Variants in VPS13B observed in about 807,000 individuals in gnomAD.
The protein encoded by VPS13B is vacuolar protein sorting 13 homolog B, also known as intermembrane lipid transfer protein VPS13B.
A neutral mutation model predicts 426.4 loss-of-function variants in VPS13B; 285 were observed. The ratio of observed to expected loss-of-function variants is 0.67; its 90% CI spans 0.61 to 0.74. The LOEUF is 0.74. Ranked by LOEUF, VPS13B falls within the 30% of genes least tolerant of loss-of-function variation. VPS13B has a pLI of 0.00. For missense variants in VPS13B, 4,537 were observed against 4,782.6 expected, an observed-to-expected ratio of 0.95 and a Z score of 1.51; for synonymous variants, 1,676 against 1,676.4, an observed-to-expected ratio of 1.00 and a Z score of 0.01.
Position 99,819,589 on chromosome 8 carries a change from T to C in VPS13B, c.8792+7T>C, listed in dbSNP as rs762084279. 3.7e-6 allele frequency: 6 copies of C among 1,613,000 alleles called. No homozygotes were observed. In the South Asian group the frequency reaches 6.6e-5, roughly 18 times the overall value. Reference sequence around the variant, plus strand: ...ATAAGAAGGATTCTGACAGGTAATATTCTTCAGTGATCTTTTTCTACAAAA... The same window carrying C: ...ATAAGAAGGATTCTGACAGGTAATACTCTTCAGTGATCTTTTTCTACAAAA... On this transcript the variant is annotated splice_region_variant and intron_variant, in intron 48 of 61. Coordinates refer to ENST00000357162, the MANE Select transcript of VPS13B (RefSeq NM_152564.5).
At chr8:99,799,510 A>T (rs1289615405) in intron 43 of VPS13B, among the ~76,000 whole-genome samples, 1 of 152,346 alleles carries the variant, frequency 6.6e-6, no homozygotes, top group Admixed American at 6.5e-5. Context: ...TACTTTATTT[A>T]ACCTTTACAA....
intron 39 of VPS13B, among the ~76,000 whole-genome samples, chr8:99,762,192 A>AT (rs1336615560): frequency 6.6e-6 from 1 of 151,662 alleles, no homozygotes; most frequent in Non-Finnish European, 1.5e-5. Flanking sequence ...TGCCCAGCTA[A>AT]TTTTTTTTCC....
intron 17 of VPS13B, among the ~76,000 whole-genome samples, chr8:99,226,248 A>C (rs1247662618): frequency 1.3e-5 from 2 of 152,156 alleles, no homozygotes; most frequent in East Asian, 3.9e-4. Context: ...ATCTTCCTGC[A>C]AAATCTTCCC....
chr8:99,749,129 T>C (rs1810264444), intron 39 of VPS13B, among the ~76,000 whole-genome samples: 1 of 152,094 alleles, frequency 6.6e-6, no homozygotes, highest in Admixed American at 6.6e-5. Flanking sequence ...GATGTATATA[T>C]TTATGAGGTA....
intron 25 of VPS13B, among the ~76,000 whole-genome samples, chr8:99,496,666 A>C (rs930703859): frequency 1.3e-5 from 2 of 152,012 alleles, no homozygotes; most frequent in African/African-American, 2.4e-5. Context: ...AAAAAAAAGC[A>C]CTAACATTTT....
intron 7 of VPS13B, chr8:99,120,096 T>C (rs752685433): frequency 6.6e-6 from 1 of 152,420 alleles, no homozygotes; most frequent in Non-Finnish European, 1.5e-5. Context: ...TTTCACCATG[T>C]TGCCCAGGCT....
intron 43 of VPS13B, among the ~76,000 whole-genome samples, chr8:99,796,211 G>A (rs1812803653): frequency 6.6e-6 from 1 of 152,154 alleles, no homozygotes; most frequent in Non-Finnish European, 1.5e-5. Flanking sequence ...TTGAAAAAAA[G>A]AGACCATTGT....
At chr8:99,258,246 T>C (rs1256768478) in intron 17 of VPS13B, among the ~76,000 whole-genome samples, 3 of 151,978 alleles carry the variant, frequency 2.0e-5, no homozygotes, top group Non-Finnish European at 4.4e-5. Flanking sequence ...GTTATGAAAT[T>C]GACTAATATG....
chr8:99,132,879 G>A (rs573238838), intron 8 of VPS13B, among the ~76,000 whole-genome samples: 1 of 152,208 alleles, frequency 6.6e-6, no homozygotes, highest in East Asian at 1.9e-4. Flanking sequence ...ATAAACAGAT[G>A]TACTGTCATT....
chr8:99,619,287 G>A (rs895695528), intron 33 of VPS13B, among the ~76,000 whole-genome samples: 1 of 152,144 alleles, frequency 6.6e-6, no homozygotes, highest in Non-Finnish European at 1.5e-5. Context: ...GGATCCTGGA[G>A]GTTGCTGTGT....
chr8:99,328,065 G>A (rs1810372103), intron 19 of VPS13B, among the ~76,000 whole-genome samples: 1 of 152,164 alleles, frequency 6.6e-6, no homozygotes, highest in Admixed American at 6.5e-5. Context: ...GGTTAGTGGT[G>A]GGTTAGTGAT....
At chr8:99,093,294 A>T (rs1406450123) in intron 3 of VPS13B, among the ~76,000 whole-genome samples, 1 of 152,090 alleles carries the variant, frequency 6.6e-6, no homozygotes, top group African/African-American at 2.4e-5. Context: ...TATCTCACTT[A>T]GAGTTCTTTA....
At chr8:99,732,942 G>C (rs924910462) in intron 39 of VPS13B, among the ~76,000 whole-genome samples, 2 of 152,176 alleles carry the variant, frequency 1.3e-5, no homozygotes, top group Non-Finnish European at 2.9e-5. Flanking sequence ...ACTTTATTTG[G>C]TGGTAGAAAT....
intron 34 of VPS13B, among the ~76,000 whole-genome samples, chr8:99,658,192 CAG>C (rs1830089488): frequency 6.6e-6 from 1 of 152,094 alleles, no homozygotes; most frequent in South Asian, 2.1e-4. Flanking sequence ...TAAAAGTTAA[CAG>C]ATTTTTTTTA....
At chr8:99,637,362 A>G (rs1829114049) in intron 33 of VPS13B, among the ~76,000 whole-genome samples, 1 of 152,096 alleles carries the variant, frequency 6.6e-6, no homozygotes, top group South Asian at 2.1e-4. Context: ...GCTTAAAAAA[A>G]ATGGAGGAAA....
Position 99,873,582 on chromosome 8 carries a change from C to G in VPS13B, c.11746-1836C>G, listed in dbSNP as rs577704444. 7.2e-5 allele frequency among the ~76,000 whole-genome samples: 11 copies of G among 152,258 alleles called. No individual in the cohort carries two copies. In the South Asian group the frequency reaches 2.3e-3, roughly 32 times the overall value. On this transcript the variant is annotated intron_variant, in intron 61 of 61. Transcript: ENST00000357162. ...GGTAGATGGGCCAGTGTGCCTTCAGCCTCCACATTCTGCTTTCTCTATTCC... is the reference window on the plus strand; with the variant it reads ...GGTAGATGGGCCAGTGTGCCTTCAGGCTCCACATTCTGCTTTCTCTATTCC...
intron 17 of VPS13B, among the ~76,000 whole-genome samples, chr8:99,246,702 C>CA (rs1817236647): frequency 6.6e-6 from 1 of 151,918 alleles, no homozygotes; most frequent in South Asian, 2.1e-4. Flanking sequence ...TCCATCTCTA[C>CA]AAAAAATACA....
Position 99,717,472 on chromosome 8 carries a change from A to G in VPS13B, c.6657+99A>G, listed in dbSNP as rs1588651533. ...AAATTTTAAATCTTTGTGTGGTAAG[A>G]AAGGGTATTTGTCAGATTGCTACTT... On this transcript the variant is annotated intron_variant, in intron 37 of 61. Transcript: ENST00000357162. 2.7e-5 allele frequency: 31 copies of G among 1,140,642 alleles called. No individual in the cohort carries two copies. In the East Asian group the frequency reaches 7.6e-4, roughly 28 times the overall value. 70.7% of individuals were successfully genotyped at this position (1,140,642 alleles called of 1,614,324 possible).
chr8:99,087,178 C>T (rs1012749840), intron 3 of VPS13B, among the ~76,000 whole-genome samples: 8 of 152,156 alleles, frequency 5.3e-5, no homozygotes, highest in Admixed American at 1.3e-4. Context: ...CCCCCAGCCT[C>T]GCTGCCCCCT....
Sources: gnomAD v4.1 joint callset for allele counts (sites outside exome capture counted in the v4.1 genomes callset) on GRCh38, gnomAD v4.1.1 for gene constraint, MANE v1.5 for transcripts, NCBI Gene and HGNC (gene_info 2026-07-23, HGNC 2026-07-21) for gene names.